ZHX3: variants seen among roughly 807,000 people sequenced by gnomAD.
The protein encoded by ZHX3 is zinc fingers and homeoboxes protein 3.
ZHX3 carries 20 observed loss-of-function variants against 64.5 expected under a neutral mutation model. The ratio of observed to expected loss-of-function variants is 0.31; its 90% CI spans 0.22 to 0.45. ZHX3 has a LOEUF of 0.45. Ranked by LOEUF, ZHX3 falls within the 20% of genes least tolerant of loss-of-function variation. The pLI is 1.00. For synonymous variants in ZHX3, 423 were observed against 461.6 expected, an observed-to-expected ratio of 0.92 and a Z score of 1.07; for missense variants, 1,041 against 1,195.8, an observed-to-expected ratio of 0.87 and a Z score of 1.91.
At chr20:41,190,927 A>G (rs1027725285) in intron 3 of ZHX3, among the ~76,000 whole-genome samples, 2 of 152,210 alleles carry the variant, frequency 1.3e-5, no homozygotes, top group African/African-American at 2.4e-5. Context: ...GGCTTCCTTT[A>G]TAGTTGCTTA....
intron 1 of ZHX3, among the ~76,000 whole-genome samples, chr20:41,283,865 G>A (rs1228668874): frequency 6.6e-6 from 1 of 152,136 alleles, no homozygotes; most frequent in Non-Finnish European, 1.5e-5. Flanking sequence ...GCTCCTCTTA[G>A]GAACAGTAAT....
At chr20:41,314,758 T>G (rs560014282) in intron 1 of ZHX3, among the ~76,000 whole-genome samples, 1 of 152,180 alleles carries the variant, frequency 6.6e-6, no homozygotes, top group East Asian at 1.9e-4. Flanking sequence ...CTTTAAGAGA[T>G]TGTCATTTTA....
intron 1 of ZHX3, among the ~76,000 whole-genome samples, chr20:41,305,653 G>A (rs532599532): frequency 5.9e-5 from 9 of 152,030 alleles, no homozygotes; most frequent in East Asian, 1.9e-4. Flanking sequence ...GCGTGGTGGC[G>A]GGCGCCTGTA....
intron 1 of ZHX3, among the ~76,000 whole-genome samples, chr20:41,291,593 A>C (rs1382414257): frequency 2.6e-5 from 4 of 151,774 alleles, no homozygotes; most frequent in South Asian, 4.2e-4. Context: ...TATATATACT[A>C]TATATTTTGT....
In ZHX3 at chr20:41,197,202, A is replaced by AT. The variant is rs556947138; in HGVS notation, c.2860+4854dup. 2.3e-3 allele frequency: 341 copies of AT among 148,468 alleles called. 1 individual carries two copies. Among genetic ancestry groups the AT allele is most frequent in the Admixed American group, 2.2e-3 (33 of 14,776 alleles). The allele number at this position is 148,468 out of a possible 1,614,324, so 9.2% of individuals were successfully genotyped here. A position where few individuals can be genotyped will look rare whatever the true frequency, so the allele number is the denominator to read the frequency against. On this transcript the variant is annotated intron_variant, in intron 3 of 3. Transcript: ENST00000683867. ...TAATTCTAAATTATATATATATAAC[A>AT]TGTTATACATATATTTTATATATAA...
At chr20:41,275,311 T>C (rs979798970) in intron 1 of ZHX3, among the ~76,000 whole-genome samples, 3 of 152,086 alleles carry the variant, frequency 2.0e-5, no homozygotes, top group African/African-American at 4.8e-5. Context: ...AATAAAAATA[T>C]CATCTGGCAG....
At chr20:41,315,568 C>T (rs1331520234) in intron 1 of ZHX3, among the ~76,000 whole-genome samples, 4 of 151,966 alleles carry the variant, frequency 2.6e-5, no homozygotes, top group Non-Finnish European at 5.9e-5. Context: ...TGGCAGGCCA[C>T]AGCAAGGCCT....
intron 2 of ZHX3, among the ~76,000 whole-genome samples, chr20:41,268,413 G>A (rs536727885): frequency 6.6e-6 from 1 of 152,032 alleles, no homozygotes; most frequent in Non-Finnish European, 1.5e-5. Context: ...ATTAAAAAAA[G>A]TTTTCCCAAT....
chr20:41,199,639 A>G (rs1713461836), intron 3 of ZHX3, among the ~76,000 whole-genome samples: 1 of 152,084 alleles, frequency 6.6e-6, no homozygotes. Context: ...GCATTGAGAC[A>G]ATGATCAGCC....
Position 41,203,987 on chromosome 20 carries a change from A to G in ZHX3, c.930T>C (p.Asn310=). 2.5e-6 allele frequency: 4 copies of G among 1,614,220 alleles called. No individual in the cohort carries two copies. Among genetic ancestry groups the G allele is most frequent in the Non-Finnish European group, 3.4e-6 (4 of 1,180,036 alleles). ...GGAAGCTGTTAGAGTCCATGGCTGC[A>G]TTGTACGTTGGAATGCTGCTCAGGG... The part of the protein sequence containing the change: ...MIPLSSIPTY[N]AAMDSNSFLK... The change falls in exon 3 of 4, where the codon AAT becomes AAC. Residue 310 remains asparagine (N), a synonymous_variant. Transcript: ENST00000683867. This position sits in a 1 kb window ranked among gnomAD's most constrained non-coding sequence, Gnocchi z 7.1.
intron 2 of ZHX3, among the ~76,000 whole-genome samples, chr20:41,265,718 A>T (rs1487559612): frequency 2.0e-5 from 3 of 152,214 alleles, no homozygotes; most frequent in Non-Finnish European, 4.4e-5. Context: ...TGTGTAGCCA[A>T]GTAGAGATGC....
chr20:41,279,282 T>A (rs919769263), intron 1 of ZHX3, among the ~76,000 whole-genome samples: 2 of 152,148 alleles, frequency 1.3e-5, no homozygotes, highest in Non-Finnish European at 2.9e-5. Context: ...CTTGTTAGCA[T>A]TAAATTCTCT....
At chr20:41,260,180 GAA>G (rs1555853862) in intron 2 of ZHX3, among the ~76,000 whole-genome samples, 2 of 103,364 alleles carry the variant, frequency 1.9e-5, no homozygotes, top group East Asian at 2.2e-4. Context: ...AGCCAAATGT[GAA>G]AAAAAAAAAA....
chr20:41,272,843 G>A (rs1254093511), intron 1 of ZHX3, among the ~76,000 whole-genome samples: 3 of 152,126 alleles, frequency 2.0e-5, no homozygotes, highest in Admixed American at 6.5e-5. Flanking sequence ...GAACATGAGT[G>A]TACAAGTATT....
chr20:41,290,639 C>T (rs76879987), intron 1 of ZHX3: 10,804 of 152,276 alleles, frequency 0.071, 412 homozygotes, highest in Middle Eastern at 0.17. Flanking sequence ...ATCTCTGTGT[C>T]TGATGAGAAA....
chr20:41,234,926 G>C (rs751122443), intron 2 of ZHX3, among the ~76,000 whole-genome samples: 3 of 152,206 alleles, frequency 2.0e-5, no homozygotes, highest in Non-Finnish European at 4.4e-5. Flanking sequence ...GTTTTGTTTT[G>C]AACAAACTGG....
In ZHX3 at chr20:41,226,464, C is replaced by T. The variant is rs1486996868; in HGVS notation, c.-150-21398G>A. Among the ~76,000 whole-genome samples the T allele has an allele frequency of 6.6e-6, 1 of 152,068 alleles. No homozygotes were observed. The highest frequency in any genetic ancestry group is 2.1e-4 in the South Asian group (1 of 4,810). On this transcript the variant is annotated intron_variant, in intron 2 of 3. Coordinates refer to ENST00000683867, the MANE Select transcript of ZHX3 (RefSeq NM_001384317.1). This position sits in a 1 kb window ranked among gnomAD's most constrained non-coding sequence, Gnocchi z 4.4. ...CACTGATGGACATTTAGGTTGCTTC[C>T]CCCTCTTGGTTATTGTGAATAATGC...
intron 2 of ZHX3, among the ~76,000 whole-genome samples, chr20:41,230,761 A>G (rs1388550029): frequency 6.6e-6 from 1 of 152,200 alleles, no homozygotes; most frequent in Non-Finnish European, 1.5e-5. Flanking sequence ...GAAGGTATAG[A>G]TATTTCCCAT....
intron 1 of ZHX3, among the ~76,000 whole-genome samples, chr20:41,312,600 T>C (rs768781213): frequency 6.6e-6 from 1 of 151,992 alleles, no homozygotes; most frequent in Admixed American, 6.6e-5. Flanking sequence ...TAGAGGACAA[T>C]GGGGAGGAAG....
Sources: allele counts gnomAD v4.1 joint callset (sites outside exome capture counted in the v4.1 genomes callset), GRCh38; gene constraint gnomAD v4.1.1; non-coding constraint Gnocchi (gnomAD v3.1); transcripts MANE v1.5; gene names NCBI Gene and HGNC (gene_info 2026-07-23, HGNC 2026-07-21).